The following LRRC4C variants were observed in gnomAD, a reference collection of about 807,000 sequenced individuals.
LRRC4C encodes the protein leucine-rich repeat-containing protein 4C.
A neutral mutation model predicts 33.6 loss-of-function variants in LRRC4C; 5 were observed. The observed-to-expected ratio is 0.15, with a 90% CI of 0.08 to 0.31. LRRC4C has a LOEUF of 0.31. Ranked by LOEUF, LRRC4C falls within the 10% of genes least tolerant of loss-of-function variation. The pLI, the probability that LRRC4C is intolerant of heterozygous loss-of-function variation, is 1.00. For synonymous variants in LRRC4C, 329 were observed against 302.0 expected (o/e 1.09, Z -0.93); for missense variants, 560 against 796.7 (o/e 0.70, Z 3.58).
At chr11:41,310,780 T>C (rs1163255618) in intron 1 of LRRC4C, among the ~76,000 whole-genome samples, 1 of 152,222 alleles carries the variant, frequency 6.6e-6, no homozygotes, top group Non-Finnish European at 1.5e-5. Context: ...TTATGCCTTT[T>C]TGTATTTACA....
intron 6 of LRRC4C, among the ~76,000 whole-genome samples, chr11:40,125,568 C>T (rs1185352906): frequency 3.3e-5 from 5 of 151,972 alleles, no homozygotes; most frequent in African/African-American, 9.7e-5. Flanking sequence ...CTCTCTCTCT[C>T]CTTATTTCCT....
In LRRC4C at chr11:41,364,754, A is replaced by G. The variant is rs886614784; in HGVS notation, c.-496+94677T>C. Among the ~76,000 whole-genome samples, 5 of 152,224 alleles carry G rather than the reference A, an allele frequency of 3.3e-5. 1 individual carries two copies. The East Asian group carries it at 9.6e-4, about 29-fold the overall frequency. On this transcript the variant is annotated intron_variant, in intron 1 of 6. Transcript: ENST00000528697. ...TGATTTTAAGAAATCCTTCTGAATAATGTGTCTGAGTCAAAATGAACCTTG... is the reference window on the plus strand; with the variant it reads ...TGATTTTAAGAAATCCTTCTGAATAGTGTGTCTGAGTCAAAATGAACCTTG...
intron 5 of LRRC4C, among the ~76,000 whole-genome samples, chr11:40,203,802 A>G (rs1862940953): frequency 6.6e-6 from 1 of 152,240 alleles, no homozygotes; most frequent in Non-Finnish European, 1.5e-5. Flanking sequence ...ACAATGTGGA[A>G]GCACTGACTG....
At chr11:40,307,565 T>C (rs1270656198) in intron 4 of LRRC4C, among the ~76,000 whole-genome samples, 1 of 152,212 alleles carries the variant, frequency 6.6e-6, no homozygotes, top group Non-Finnish European at 1.5e-5. Context: ...TTTTGTTCAA[T>C]CACGACCTTT....
chr11:41,085,602 C>T (rs1326494050), intron 1 of LRRC4C, among the ~76,000 whole-genome samples: 1 of 152,002 alleles, frequency 6.6e-6, no homozygotes, highest in Non-Finnish European at 1.5e-5. Context: ...TACAGAGTAC[C>T]CATCACTGTC....
intron 5 of LRRC4C, among the ~76,000 whole-genome samples, chr11:40,153,586 TA>T (rs34679448): frequency 0.9 from 134,395 of 148,792 alleles, 61,049 homozygotes; most frequent in East Asian, 0.98. Context: ...ATAGATAGCT[TA>T]AAAAAAAAAA....
intron 3 of LRRC4C, among the ~76,000 whole-genome samples, chr11:40,591,698 C>T (rs756635667): frequency 6.6e-6 from 1 of 152,184 alleles, no homozygotes; most frequent in Non-Finnish European, 1.5e-5. Flanking sequence ...CCTGAAGAAT[C>T]CTTGAGTAGA....
chr11:40,829,048 T>C (rs894412160), intron 2 of LRRC4C, among the ~76,000 whole-genome samples: 5 of 151,988 alleles, frequency 3.3e-5, no homozygotes, highest in Non-Finnish European at 5.9e-5. Context: ...CACTTCCTGC[T>C]GTTCATTCGG....
At chr11:40,328,327 A>C (rs1946192104) in intron 3 of LRRC4C, among the ~76,000 whole-genome samples, 1 of 152,228 alleles carries the variant, frequency 6.6e-6, no homozygotes, top group Non-Finnish European at 1.5e-5. Flanking sequence ...TTATTTCAAA[A>C]TAAAGAGACC....
At chr11:40,484,376 A>C (rs2138436193) in intron 3 of LRRC4C, among the ~76,000 whole-genome samples, 1 of 152,236 alleles carries the variant, frequency 6.6e-6, no homozygotes, top group East Asian at 1.9e-4. Flanking sequence ...ATAAACACAT[A>C]AACAGCAAAC....
At chr11:41,109,598 T>C (rs980858928) in intron 1 of LRRC4C, among the ~76,000 whole-genome samples, 2 of 152,120 alleles carry the variant, frequency 1.3e-5, no homozygotes, top group Admixed American at 6.6e-5. Flanking sequence ...ATATCTTTTA[T>C]GTTTTCTCTT....
chr11:40,313,773 A>ATTT (rs71060951), intron 4 of LRRC4C, among the ~76,000 whole-genome samples: 1 of 148,472 alleles, frequency 6.7e-6, no homozygotes, highest in Admixed American at 6.7e-5. Context: ...ATGCCTGGCT[A>ATTT]TTTTTTTTTA....
intron 2 of LRRC4C, among the ~76,000 whole-genome samples, chr11:40,809,799 G>T (rs914198931): frequency 6.6e-6 from 1 of 152,132 alleles, no homozygotes; most frequent in African/African-American, 2.4e-5. Flanking sequence ...AATGGTGGTT[G>T]TTATTAAATT....
intron 4 of LRRC4C, among the ~76,000 whole-genome samples, chr11:40,297,966 C>T (rs896812403): frequency 2.6e-5 from 4 of 152,000 alleles, no homozygotes; most frequent in Non-Finnish European, 2.9e-5. Flanking sequence ...ATGTCTATGT[C>T]CCCCCCAACC....
At chr11:40,517,977 C>T (rs1238096546) in intron 3 of LRRC4C, among the ~76,000 whole-genome samples, 1 of 152,174 alleles carries the variant, frequency 6.6e-6, no homozygotes, top group Non-Finnish European at 1.5e-5. Context: ...ATCATCTGAT[C>T]TTTGACAAAC....
chr11:40,997,635 T>C (rs1326225683), intron 1 of LRRC4C, among the ~76,000 whole-genome samples: 1 of 152,142 alleles, frequency 6.6e-6, no homozygotes, highest in Non-Finnish European at 1.5e-5. Context: ...GAGTATTTTG[T>C]TTGTTTGTTT....
rs145003985 is a variant in LRRC4C at position 40,823,787 on chromosome 11, TTAAACA to T, written c.-407+109842_-407+109847del. Reference sequence around the variant, plus strand: ...AGAAAGTATTTTGGCAGTTATAGTGTTAAACATAAACTTACCCTATGACCTAGAAAC... The same window carrying T: ...AGAAAGTATTTTGGCAGTTATAGTGTTAAACTTACCCTATGACCTAGAAAC... On this transcript the variant is annotated intron_variant, in intron 2 of 6. Transcript: ENST00000528697. Among the ~76,000 whole-genome samples, 764 of 151,924 alleles carry T rather than the reference TTAAACA, an allele frequency of 5.0e-3. 3 individuals are homozygous for T. The highest frequency in any genetic ancestry group is 7.6e-3 in the Non-Finnish European group (518 of 67,838).
intron 2 of LRRC4C, among the ~76,000 whole-genome samples, chr11:40,817,008 C>G (rs767097901): frequency 2.0e-5 from 3 of 152,060 alleles, no homozygotes; most frequent in Admixed American, 2.0e-4. Flanking sequence ...CTTTTTCCAT[C>G]GGAGCCTTGT....
intron 3 of LRRC4C, among the ~76,000 whole-genome samples, chr11:40,585,671 G>A (rs1386222944): frequency 7.8e-6 from 1 of 128,694 alleles, no homozygotes; most frequent in Non-Finnish European, 1.6e-5. Context: ...CCCTTCCTGT[G>A]TCCATGTGAT....
Sources: gnomAD v4.1 joint callset for allele counts (sites outside exome capture counted in the v4.1 genomes callset) on GRCh38, gnomAD v4.1.1 for gene constraint, MANE v1.5 for transcripts, NCBI Gene and HGNC (gene_info 2026-07-23, HGNC 2026-07-21) for gene names.